SYCP1: variants seen among roughly 807,000 people sequenced by gnomAD.
SYCP1 encodes cancer/testis antigen 8.
A neutral mutation model predicts 153.1 loss-of-function variants in SYCP1; 64 were observed. That is an observed-to-expected ratio of 0.42 (90% CI 0.34 to 0.51). The LOEUF (loss-of-function observed/expected upper bound fraction) is 0.51, where lower values mean the gene tolerates loss of function less well. Among genes scored for constraint, SYCP1 ranks in the 20% least tolerant of loss-of-function variants. SYCP1 has a pLI of 0.06. For synonymous variants in SYCP1, 384 were observed against 341.8 expected (o/e 1.12, Z -1.36); for missense variants, 997 against 1,049.0 (o/e 0.95, Z 0.68).
intron 8 of SYCP1, among the ~76,000 whole-genome samples, chr1:114,865,561 G>A (rs889027412): frequency 3.9e-5 from 6 of 152,174 alleles, no homozygotes; most frequent in Non-Finnish European, 7.4e-5. Context: ...CTCAAGGATA[G>A]TTCTGGGACT....
chr1:114,970,079 T>C (rs370808746), intron 27 of SYCP1, among the ~76,000 whole-genome samples: 22 of 152,236 alleles, frequency 1.4e-4, no homozygotes, highest in East Asian at 1.2e-3. Context: ...AGACCAGATC[T>C]GTTCTATTTG....
chr1:114,974,260 T>G (rs1672674130), intron 27 of SYCP1, among the ~76,000 whole-genome samples: 1 of 151,956 alleles, frequency 6.6e-6, no homozygotes, highest in Admixed American at 6.6e-5. Flanking sequence ...TAAAATGTGA[T>G]GTTAGATAAT....
chr1:114,864,462 C>T (rs911421690), intron 8 of SYCP1, among the ~76,000 whole-genome samples: 22 of 151,948 alleles, frequency 1.4e-4, no homozygotes, highest in African/African-American at 4.1e-4. Flanking sequence ...CTGTACTCCA[C>T]TCAGGATACT....
At chr1:114,894,813 A>G (rs546584312) in intron 15 of SYCP1, among the ~76,000 whole-genome samples, 1 of 152,302 alleles carries the variant, frequency 6.6e-6, no homozygotes, top group South Asian at 2.1e-4. Flanking sequence ...GGTGATAAGC[A>G]TTAGTTTTAC....
At chr1:114,978,234 T>C (rs562545311) in intron 28 of SYCP1, among the ~76,000 whole-genome samples, 37 of 151,774 alleles carry the variant, frequency 2.4e-4, no homozygotes, top group African/African-American at 8.7e-4. Context: ...AAGTAGAGCT[T>C]GACTAGCATA....
intron 27 of SYCP1, among the ~76,000 whole-genome samples, chr1:114,962,394 C>A (rs963012837): frequency 6.6e-6 from 1 of 152,056 alleles, no homozygotes; most frequent in Non-Finnish European, 1.5e-5. Flanking sequence ...TAAACAAGTC[C>A]TTTTATCATT....
chr1:114,978,526 A>G (rs952219490), intron 28 of SYCP1, among the ~76,000 whole-genome samples: 4 of 151,620 alleles, frequency 2.6e-5, no homozygotes, highest in Non-Finnish European at 5.9e-5. Flanking sequence ...CTTCTAACCT[A>G]TTTGATAATA....
At chr1:114,884,704 T>C (rs1183018941) in intron 12 of SYCP1, among the ~76,000 whole-genome samples, 1 of 152,234 alleles carries the variant, frequency 6.6e-6, no homozygotes, top group East Asian at 1.9e-4. Flanking sequence ...TTATCTTGTT[T>C]AATTCTAACA....
intron 21 of SYCP1, 24 bp from the exon 22 acceptor site, chr1:114,926,254 C>T (rs1669240631): frequency 3.4e-6 from 5 of 1,459,280 alleles, no homozygotes; most frequent in Middle Eastern, 1.9e-4. Flanking sequence ...AATAAAATAG[C>T]TATAATTTCT....
intron 17 of SYCP1, among the ~76,000 whole-genome samples, chr1:114,910,713 A>G (rs1668118278): frequency 1.3e-5 from 2 of 152,192 alleles, no homozygotes; most frequent in Admixed American, 1.3e-4. Flanking sequence ...TAAAAGATCA[A>G]TATGATGCAT....
At chr1:114,981,863 T>C (rs1029682640) in intron 29 of SYCP1, among the ~76,000 whole-genome samples, 1 of 152,062 alleles carries the variant, frequency 6.6e-6, no homozygotes, top group Non-Finnish European at 1.5e-5. Flanking sequence ...TAGTTATTTA[T>C]CAGTGTTTAA....
At chr1:114,916,856 G>A (rs576372021) in intron 20 of SYCP1, among the ~76,000 whole-genome samples, 4 of 151,024 alleles carry the variant, frequency 2.6e-5, no homozygotes, top group South Asian at 2.1e-4. Context: ...TTTAATTTTC[G>A]ATTTTTAATT....
At chr1:114,857,594 T>A (rs1664092406) in intron 5 of SYCP1, 97 bp downstream of exon 5, 1 of 945,800 alleles carries the variant, frequency 1.1e-6, no homozygotes, top group East Asian at 2.9e-5. Flanking sequence ...AGGATTATTA[T>A]TTGATTAACG....
chr1:114,986,200 T>TCA, intron 30 of SYCP1, among the ~76,000 whole-genome samples: 1 of 152,098 alleles, frequency 6.6e-6, no homozygotes, highest in East Asian at 1.9e-4. Context: ...GGAAACTGAG[T>TCA]CACACAAGTA....
At chr1:114,876,667 AT>A in intron 10 of SYCP1, 69 bp from the exon 11 acceptor site, 1 of 837,640 alleles carries the variant, frequency 1.2e-6, no homozygotes. Flanking sequence ...TAAACTTTAA[AT>A]TTTGTTTGTA....
At chr1:114,985,014 T>A in intron 30 of SYCP1, 146 bp downstream of exon 30, 1 of 378,416 alleles carries the variant, frequency 2.6e-6, no homozygotes, top group Non-Finnish European at 4.3e-6. Context: ...ATGCAGATCC[T>A]TGTGCTTTTG....
intron 28 of SYCP1, among the ~76,000 whole-genome samples, chr1:114,978,088 A>C (rs73004488): frequency 0.015 from 2,315 of 151,732 alleles, 55 homozygotes; most frequent in African/African-American, 0.053. Context: ...GGGAGAATAA[A>C]AATAATATTT....
At chr1:114,960,732 G>C (rs1389706384) in intron 27 of SYCP1, among the ~76,000 whole-genome samples, 1 of 152,054 alleles carries the variant, frequency 6.6e-6, no homozygotes, top group Non-Finnish European at 1.5e-5. Flanking sequence ...TTATCTTTTT[G>C]ATATGCTGTT....
chr1:114,967,199 C>A (rs975807214), intron 27 of SYCP1, among the ~76,000 whole-genome samples: 5 of 152,098 alleles, frequency 3.3e-5, no homozygotes, highest in Non-Finnish European at 7.4e-5. Context: ...TCTGTTTGGT[C>A]CGGAGCTGAG....
Sources: gnomAD v4.1 joint callset for allele counts (sites outside exome capture counted in the v4.1 genomes callset) on GRCh38, gnomAD v4.1.1 for gene constraint, MANE v1.5 for transcripts, NCBI Gene and HGNC (gene_info 2026-07-23, HGNC 2026-07-21) for gene names.